FAM13C: variants seen among roughly 807,000 people sequenced by gnomAD.
The protein encoded by FAM13C is protein FAM13C.
A neutral mutation model predicts 73.2 loss-of-function variants in FAM13C; 37 were observed. The observed-to-expected ratio is 0.51, with a 90% CI of 0.39 to 0.67. FAM13C has a LOEUF of 0.67. Ranked by LOEUF, FAM13C falls within the 30% of genes least tolerant of loss-of-function variation. The probability of loss-of-function intolerance (pLI) is 0.00; values close to 1 mark genes in which losing one functional copy is unlikely to be tolerated. For synonymous variants in FAM13C, 246 were observed against 260.9 expected, an observed-to-expected ratio of 0.94 and a Z score of 0.55; for missense variants, 589 against 715.6, an observed-to-expected ratio of 0.82 and a Z score of 2.02.
At chr10:59,263,977 A>T (rs1696267978) in intron 9 of FAM13C, 108 bp downstream of exon 9, 1 of 978,114 alleles carries the variant, frequency 1.0e-6, no homozygotes. Context: ...GCAGAAAACA[A>T]GGTGCAAGAG....
intron 1 of FAM13C, chr10:59,361,065 C>T: frequency 3.1e-6 from 4 of 1,289,224 alleles, no homozygotes; most frequent in Non-Finnish European, 4.0e-6. Flanking sequence ...TCATCTTCGG[C>T]CTGCAGATGC....
Position 59,247,733 on chromosome 10 carries a change from G to T in FAM13C, c.1639C>A (p.Pro547Thr). The T allele has an allele frequency of 6.2e-7, 1 of 1,608,494 alleles. No homozygotes were observed. The highest frequency in any genetic ancestry group is 8.5e-7 in the Non-Finnish European group (1 of 1,177,870). Residue 547 changes from proline to threonine, a missense_variant, in exon 14 of 14, where the codon CCA (proline) becomes ACA (threonine). Pro to Thr is a conservative substitution (Grantham distance 38). Transcript: ENST00000618804. The stretch of plus-strand genomic sequence containing the variant: ...ATTGGTATCCTATCTTCCTTTTGTG[G>T]ACTTCTGCAAAACAAAAATACATTT... ...EQFFKQTGRSPQKEDRIPMAD... is the reference protein window; with the variant it reads ...EQFFKQTGRSTQKEDRIPMAD...
chr10:59,352,392 G>GC lies in FAM13C; in HGVS notation c.201dup (p.Gln68AlafsTer63). ...ACCAGCACGGTCGCCTCTACATTCT[G>GC]CTGCTGCGGCTCCCAAGAGGGCGGC... On this transcript the variant is annotated frameshift_variant, in exon 3 of 14. Coordinates refer to ENST00000618804, the MANE Select transcript of FAM13C (RefSeq NM_198215.4). LOFTEE classifies it high-confidence loss of function. 6.2e-7 allele frequency: 1 copy of GC among 1,614,068 alleles called. No homozygotes were observed. Among genetic ancestry groups the GC allele is most frequent in the Non-Finnish European group, 8.5e-7 (1 of 1,180,010 alleles).
rs1261025656 is a variant in FAM13C, at chr10:59,277,713, C to T, written c.592+5650G>A. On this transcript the variant is annotated intron_variant, in intron 6 of 13. Transcript: ENST00000618804. Reference sequence around the variant, plus strand: ...GGATTTTAAAATGACTTACAAAATACGTTAATTATATAGAGAGTATATAGA... The same window carrying T: ...GGATTTTAAAATGACTTACAAAATATGTTAATTATATAGAGAGTATATAGA... 4.6e-5 allele frequency among the ~76,000 whole-genome samples: 7 copies of T among 152,200 alleles called. 1 individual carries two copies. Among genetic ancestry groups the T allele is most frequent in the Admixed American group, 3.9e-4 (6 of 15,280 alleles).
chr10:59,249,171 G>A (rs1490752029), intron 13 of FAM13C, among the ~76,000 whole-genome samples: 1 of 152,082 alleles, frequency 6.6e-6, no homozygotes, highest in Non-Finnish European at 1.5e-5. Flanking sequence ...TTGAGAGGCC[G>A]AGGCGGGCGG....
At chr10:59,331,216 A>G (rs759552092) in intron 3 of FAM13C, among the ~76,000 whole-genome samples, 1 of 152,230 alleles carries the variant, frequency 6.6e-6, no homozygotes, top group Non-Finnish European at 1.5e-5. Context: ...CTACAATAGG[A>G]TAAGGACAAA....
intron 8 of FAM13C, among the ~76,000 whole-genome samples, chr10:59,264,752 G>T (rs1564493647): frequency 6.6e-6 from 1 of 152,014 alleles, no homozygotes; most frequent in South Asian, 2.1e-4. Flanking sequence ...TTTGTTAGGG[G>T]GATACACGGA....
chr10:59,296,605 A>C (rs1846952711), intron 5 of FAM13C, among the ~76,000 whole-genome samples: 2 of 152,228 alleles, frequency 1.3e-5, no homozygotes, highest in South Asian at 4.1e-4. Context: ...TAATATTGAT[A>C]TTAGGTCATT....
At chr10:59,275,143 T>C (rs1844180598) in intron 6 of FAM13C, among the ~76,000 whole-genome samples, 1 of 152,152 alleles carries the variant, frequency 6.6e-6, no homozygotes, top group African/African-American at 2.4e-5. Flanking sequence ...TTGGGGAACA[T>C]TGAATATACA....
chr10:59,256,999 A>T (rs1842006733), intron 10 of FAM13C, among the ~76,000 whole-genome samples: 1 of 152,180 alleles, frequency 6.6e-6, no homozygotes, highest in Non-Finnish European at 1.5e-5. Context: ...TGAAGGAAAC[A>T]AGGTTTCCTT....
At chr10:59,259,152 A>C (rs1842230172) in intron 10 of FAM13C, among the ~76,000 whole-genome samples, 2 of 152,216 alleles carry the variant, frequency 1.3e-5, no homozygotes, top group Admixed American at 6.5e-5. Flanking sequence ...TCCAAAAATC[A>C]TCCATAGATA....
In FAM13C at chr10:59,246,874, A is replaced by G. The variant is rs1433435980; in HGVS notation, c.*740T>C. ...TACTACAGACACATATCTATCCAAA[A>G]TACCTATTTTAAATTTTTAATACAA... On this transcript the variant is annotated 3_prime_UTR_variant, in exon 14 of 14. Transcript: ENST00000618804. The G allele has an allele frequency of 5.5e-6, 2 of 365,364 alleles. No individual in the cohort carries two copies. Among genetic ancestry groups the G allele is most frequent in the Non-Finnish European group, 4.9e-6 (1 of 206,006 alleles). The allele number at this position is 365,364 out of a possible 1,614,324, so 22.6% of individuals were successfully genotyped here.
intron 6 of FAM13C, among the ~76,000 whole-genome samples, chr10:59,280,195 A>T (rs1253084285): frequency 3.9e-5 from 6 of 152,142 alleles, no homozygotes; most frequent in African/African-American, 1.4e-4. Context: ...GGGAGTGAAG[A>T]TTTCCTAGCA....
Position 59,306,573 on chromosome 10 carries a change from G to C in FAM13C, c.444-3709C>G, listed in dbSNP as rs138719532. 2.6e-5 allele frequency among the ~76,000 whole-genome samples: 4 copies of C among 152,288 alleles called. No homozygotes were observed. The East Asian group carries it at 7.8e-4, about 30-fold the overall frequency. On this transcript the variant is annotated intron_variant, in intron 4 of 13. Transcript: ENST00000618804. ...AATCAAGCATCAGGGCAAAAGGGTT[G>C]ACGTTAGAATGGAGGTGAGAGGCCG... is the stretch of plus-strand genomic sequence containing the variant.
intron 10 of FAM13C, among the ~76,000 whole-genome samples, chr10:59,257,135 A>G (rs1420591936): frequency 1.3e-5 from 2 of 152,206 alleles, no homozygotes; most frequent in South Asian, 2.1e-4. Flanking sequence ...CTCCATTTTT[A>G]TAGTATCAGG....
intron 3 of FAM13C, among the ~76,000 whole-genome samples, chr10:59,344,515 C>T (rs1854033323): frequency 6.6e-6 from 1 of 151,828 alleles, no homozygotes; most frequent in African/African-American, 2.4e-5. Flanking sequence ...ATCTCCTGAC[C>T]TCGTGATCCG....
At chr10:59,326,132 T>C (rs758004330) in intron 3 of FAM13C, among the ~76,000 whole-genome samples, 58 of 152,232 alleles carry the variant, frequency 3.8e-4, no homozygotes, top group Non-Finnish European at 6.0e-4. Flanking sequence ...TGGATTCCCT[T>C]GGCCCTAGGA....
At chr10:59,256,770 A>G (rs1841983411) in intron 10 of FAM13C, among the ~76,000 whole-genome samples, 1 of 152,186 alleles carries the variant, frequency 6.6e-6, no homozygotes, top group Non-Finnish European at 1.5e-5. Flanking sequence ...AAACTGAATC[A>G]AGGTAAGCTC....
At chr10:59,273,759 G>A (rs1015615823) in intron 6 of FAM13C, among the ~76,000 whole-genome samples, 5 of 152,104 alleles carry the variant, frequency 3.3e-5, no homozygotes, top group Admixed American at 3.3e-4. Context: ...GGAACATAGA[G>A]AAGAAGTTAC....
Sources: gnomAD v4.1 joint callset for allele counts (sites outside exome capture counted in the v4.1 genomes callset) on GRCh38, gnomAD v4.1.1 for gene constraint, MANE v1.5 for transcripts, NCBI Gene and HGNC (gene_info 2026-07-23, HGNC 2026-07-21) for gene names.